Variants in GAP43 observed in about 807,000 individuals in gnomAD.
GAP43 encodes the protein neuromodulin.
Under a neutral mutation model 18.6 loss-of-function variants are expected in GAP43, and 6 were observed. The ratio of observed to expected loss-of-function variants is 0.32; its 90% CI spans 0.18 to 0.64. The LOEUF (loss-of-function observed/expected upper bound fraction) is 0.64. Among genes scored for constraint, GAP43 ranks in the 30% least tolerant of loss-of-function variants. The pLI, the probability that GAP43 is intolerant of heterozygous loss-of-function variation, is 0.78. For missense variants in GAP43, 292 were observed against 295.5 expected (o/e 0.99, Z 0.09); for synonymous variants, 115 against 111.4 (o/e 1.03, Z -0.20).
At chr3:115,623,768 AC>A in intron 1 of GAP43, 49 bp downstream of exon 1, 1 of 1,606,578 alleles carries the variant, frequency 6.2e-7, no homozygotes, top group East Asian at 2.2e-5. Context: ...TAACCCGAGT[AC>A]AGTATTTCCC....
chr3:115,657,171 G>A (rs960494379), intron 1 of GAP43, among the ~76,000 whole-genome samples: 5 of 152,188 alleles, frequency 3.3e-5, no homozygotes, highest in Admixed American at 2.6e-4. Flanking sequence ...CATGTGGGGA[G>A]AGGGCAAAGA....
At position 115,718,852 on chromosome 3, in the gene GAP43, A is replaced by G. The variant is rs76977228; in HGVS notation, c.629-1942A>G. Among the ~76,000 whole-genome samples the G allele has an allele frequency of 5.5e-3, 833 of 152,296 alleles. 8 individuals carry two copies. Among genetic ancestry groups the G allele is most frequent in the African/African-American group, 0.019 (804 of 41,572 alleles). On this transcript the variant is annotated intron_variant, in intron 2 of 2. Transcript: ENST00000305124. ...GAATGTTTTTTGATAGGTATTTCAG[A>G]GAAGAAATTCCATAAATTTGTTTAA...
intron 2 of GAP43, among the ~76,000 whole-genome samples, chr3:115,716,158 A>G (rs563570554): frequency 1.3e-5 from 2 of 152,350 alleles, no homozygotes; most frequent in East Asian, 1.9e-4. Flanking sequence ...AAGCTGCTGA[A>G]TAGAACAGGT....
chr3:115,659,579 G>A (rs1708630454), intron 1 of GAP43, among the ~76,000 whole-genome samples: 1 of 152,028 alleles, frequency 6.6e-6, no homozygotes, highest in Non-Finnish European at 1.5e-5. Flanking sequence ...GTGGCTTCAG[G>A]TCCACATGAA....
chr3:115,698,116 ATATATATTATATATAATATATAT>A, intron 2 of GAP43, among the ~76,000 whole-genome samples: 1 of 16,352 alleles, frequency 6.1e-5, no homozygotes, highest in African/African-American at 1.1e-4. Context: ...AAAATATATA[ATATATATTATATATAATATATAT>A]AATATATATT....
chr3:115,707,050 C>T (rs1313817035), intron 2 of GAP43, among the ~76,000 whole-genome samples: 1 of 152,172 alleles, frequency 6.6e-6, no homozygotes, highest in Non-Finnish European at 1.5e-5. Context: ...AACCTCTTGG[C>T]ACAATGCTTG....
intron 1 of GAP43, chr3:115,661,250 C>T (rs968602510): frequency 6.6e-6 from 1 of 152,266 alleles, no homozygotes; most frequent in African/African-American, 2.4e-5. Flanking sequence ...TGGAACCCAG[C>T]AAGTTTTCTG....
intron 1 of GAP43, among the ~76,000 whole-genome samples, chr3:115,640,418 C>T (rs55637332): frequency 0.14 from 21,594 of 151,906 alleles, 1,618 homozygotes; most frequent in Admixed American, 0.2. Flanking sequence ...CCACTTAGAG[C>T]CTTTTCTAGA....
chr3:115,682,366 C>A (rs1157058662), intron 2 of GAP43, among the ~76,000 whole-genome samples: 1 of 152,108 alleles, frequency 6.6e-6, no homozygotes, highest in Admixed American at 6.5e-5. Flanking sequence ...AGATGAAAGT[C>A]ATTTTATTTA....
intron 1 of GAP43, among the ~76,000 whole-genome samples, chr3:115,661,638 G>A (rs1576986046): frequency 2.0e-5 from 3 of 151,930 alleles, no homozygotes; most frequent in South Asian, 4.2e-4. Context: ...ACAGGCACCC[G>A]CCACCAAGCC....
intron 2 of GAP43, among the ~76,000 whole-genome samples, chr3:115,694,619 A>T (rs1030804044): frequency 6.6e-6 from 1 of 152,252 alleles, no homozygotes; most frequent in African/African-American, 2.4e-5. Context: ...TTTACAAATG[A>T]GGAAACAGAA....
chr3:115,630,479 T>G (rs77883084), intron 1 of GAP43, among the ~76,000 whole-genome samples: 1,536 of 152,292 alleles, frequency 0.01, 25 homozygotes, highest in African/African-American at 0.036. Context: ...TCTGAAGTAG[T>G]CCTATTGTGC....
chr3:115,700,082 G>C (rs1421346836), intron 2 of GAP43, among the ~76,000 whole-genome samples: 2 of 152,196 alleles, frequency 1.3e-5, no homozygotes, highest in Non-Finnish European at 2.9e-5. Context: ...GAGAAAAGCA[G>C]CTTCTGACAG....
chr3:115,640,188 G>T (rs1310849621), intron 1 of GAP43, among the ~76,000 whole-genome samples: 5 of 152,040 alleles, frequency 3.3e-5, no homozygotes, highest in Non-Finnish European at 7.4e-5. Context: ...GAGAATGGAT[G>T]ATCATAAGGA....
chr3:115,625,876 C>T (rs1183137853), intron 1 of GAP43, among the ~76,000 whole-genome samples: 1 of 152,128 alleles, frequency 6.6e-6, no homozygotes, highest in Admixed American at 6.5e-5. Context: ...TTTCCACATG[C>T]CTCTCTGTGT....
intron 2 of GAP43, among the ~76,000 whole-genome samples, chr3:115,690,117 G>A (rs1425222669): frequency 1.3e-5 from 2 of 152,206 alleles, no homozygotes; most frequent in Non-Finnish European, 2.9e-5. Context: ...TCTGTTCTTG[G>A]CTTCACAAAC....
chr3:115,627,192 G>A (rs1295360395), intron 1 of GAP43, among the ~76,000 whole-genome samples: 1 of 144,640 alleles, frequency 6.9e-6, no homozygotes, highest in Non-Finnish European at 1.5e-5. Context: ...AAAATTCATG[G>A]TGAGTCTAGA....
intron 2 of GAP43, among the ~76,000 whole-genome samples, chr3:115,683,145 G>GCACACACACACACA (rs1391349178): frequency 9.5e-6 from 1 of 105,486 alleles, no homozygotes; most frequent in Non-Finnish European, 2.1e-5. Flanking sequence ...GCGCGCGCGC[G>GCACACACACACACA]CGCACACACA....
At chr3:115,659,304 A>T (rs1054194059) in intron 1 of GAP43, among the ~76,000 whole-genome samples, 7 of 152,184 alleles carry the variant, frequency 4.6e-5, no homozygotes, top group African/African-American at 1.4e-4. Context: ...AAAGTTTTCT[A>T]GGCTTTTTCA....
Sources: gnomAD v4.1 joint callset for allele counts (sites outside exome capture counted in the v4.1 genomes callset) on GRCh38, gnomAD v4.1.1 for gene constraint, MANE v1.5 for transcripts, NCBI Gene and HGNC (gene_info 2026-07-23, HGNC 2026-07-21) for gene names.